The following KIAA1217 variants were observed in gnomAD, a reference collection of about 807,000 sequenced individuals.
The protein encoded by KIAA1217 is KIAA1217, also known as sickle tail protein homolog.
A neutral mutation model predicts 163.9 loss-of-function variants in KIAA1217; 88 were observed. That is an observed-to-expected ratio of 0.54 (90% CI 0.45 to 0.64). The LOEUF is 0.64. KIAA1217 is among the 30% of genes least tolerant of loss of function. KIAA1217 has a pLI of 0.00. For synonymous variants in KIAA1217, 903 were observed against 923.1 expected (o/e 0.98, Z 0.39); for missense variants, 2,372 against 2,475.0 (o/e 0.96, Z 0.88).
chr10:24,457,523 A>G (rs1003623420), intron 5 of KIAA1217, among the ~76,000 whole-genome samples: 2 of 152,068 alleles, frequency 1.3e-5, no homozygotes, highest in Non-Finnish European at 2.9e-5. Flanking sequence ...TCGGCCTTCA[A>G]GTAGCCAGGG....
chr10:24,137,992 T>C (rs1375838499), intron 2 of KIAA1217, among the ~76,000 whole-genome samples: 3 of 152,188 alleles, frequency 2.0e-5, no homozygotes, highest in Non-Finnish European at 4.4e-5. Context: ...AATGTATTTT[T>C]AATGTAGATT....
chr10:24,142,582 C>A (rs981217037), intron 2 of KIAA1217, among the ~76,000 whole-genome samples: 1 of 152,078 alleles, frequency 6.6e-6, no homozygotes, highest in African/African-American at 2.4e-5. Flanking sequence ...CAAAACTGTA[C>A]TTACACCCCT....
chr10:24,294,827 C>G (rs145005502), intron 2 of KIAA1217, among the ~76,000 whole-genome samples: 1 of 152,180 alleles, frequency 6.6e-6, no homozygotes, highest in East Asian at 1.9e-4. Context: ...AAGGCAAGTG[C>G]AATTCGGTCA....
chr10:23,977,719 TTTAAAG>T (rs1845598327), intron 1 of KIAA1217, among the ~76,000 whole-genome samples: 1 of 152,196 alleles, frequency 6.6e-6, no homozygotes, highest in African/African-American at 2.4e-5. Context: ...GAGGCCACAA[TTTAAAG>T]TTAATGTTAT....
At chr10:24,340,279 C>T (rs192444631) in intron 2 of KIAA1217, among the ~76,000 whole-genome samples, 19 of 152,218 alleles carry the variant, frequency 1.2e-4, no homozygotes, top group South Asian at 8.3e-4. Context: ...GGGAAGAACC[C>T]GGTGTGAGAT....
At chr10:24,183,649 C>T (rs2066284162) in intron 2 of KIAA1217, among the ~76,000 whole-genome samples, 1 of 152,202 alleles carries the variant, frequency 6.6e-6, no homozygotes, top group South Asian at 2.1e-4. Context: ...AATTCCTGAG[C>T]AATCCTCAAC....
chr10:24,225,624 G>C (rs2070415820), intron 2 of KIAA1217, among the ~76,000 whole-genome samples: 1 of 152,098 alleles, frequency 6.6e-6, no homozygotes, highest in South Asian at 2.1e-4. Context: ...GCAAACCATT[G>C]GACTTAACCC....
rs869211148 is a variant in KIAA1217 at position 24,355,728 on chromosome 10, C to CTTTTTTTTTTTTTTTTTTT, written c.355-25121_355-25103dup. Among the ~76,000 whole-genome samples, 10 of 32,218 alleles carry CTTTTTTTTTTTTTTTTTTT rather than the reference C, an allele frequency of 3.1e-4. 3 individuals carry two copies. Among genetic ancestry groups the CTTTTTTTTTTTTTTTTTTT allele is most frequent in the Non-Finnish European group, 5.7e-4 (8 of 14,002 alleles). The allele number at this position is 32,218 out of a possible 152,430, so 21.1% of individuals were successfully genotyped here. A position where few individuals can be genotyped will look rare whatever the true frequency, so the allele number is the denominator to read the frequency against. ...GAGATGAGCATAGCAAGTCCTCACT[C>CTTTTTTTTTTTTTTTTTTT]TTTTTTTTTTTTTTTTTTTTTTTTT... On this transcript the variant is annotated intron_variant, in intron 2 of 20. Transcript: ENST00000376454.
intron 2 of KIAA1217, among the ~76,000 whole-genome samples, chr10:24,177,902 T>G (rs1006357913): frequency 5.3e-5 from 8 of 152,212 alleles, no homozygotes; most frequent in African/African-American, 1.9e-4. Flanking sequence ...TTAGAAGTTC[T>G]TGGCTGATTG....
At chr10:24,495,100 A>AT in intron 7 of KIAA1217, 47 bp from the exon 8 acceptor site, 1 of 1,471,260 alleles carries the variant, frequency 6.8e-7, no homozygotes, top group Non-Finnish European at 9.2e-7. Context: ...AAAAAAAAAA[A>AT]GGCATTTTGG....
chr10:24,273,534 CCCA>C (rs1330772707), intron 2 of KIAA1217, among the ~76,000 whole-genome samples: 1 of 152,024 alleles, frequency 6.6e-6, no homozygotes, highest in Non-Finnish European at 1.5e-5. Context: ...GCATAACTGG[CCCA>C]CGTCACATCT....
intron 1 of KIAA1217, among the ~76,000 whole-genome samples, chr10:23,760,390 G>A (rs1235278218): frequency 6.6e-6 from 1 of 152,116 alleles, no homozygotes; most frequent in Non-Finnish European, 1.5e-5. Context: ...TATCTTAACG[G>A]GACTAATAGT....
intron 2 of KIAA1217, among the ~76,000 whole-genome samples, chr10:24,220,798 T>G (rs1274748792): frequency 1.3e-5 from 2 of 148,758 alleles, no homozygotes; most frequent in African/African-American, 5.0e-5. Flanking sequence ...TATTGCTGTA[T>G]TACCCAGGCT....
intron 5 of KIAA1217, among the ~76,000 whole-genome samples, chr10:24,442,911 A>ATTT (rs72335041): frequency 0.22 from 30,270 of 136,280 alleles, 3,533 homozygotes; most frequent in East Asian, 0.28. Flanking sequence ...CTTTTGTGGG[A>ATTT]TTTTTTTTTT....
intron 1 of KIAA1217, among the ~76,000 whole-genome samples, chr10:23,879,644 GA>G (rs772716602): frequency 2.6e-5 from 4 of 151,914 alleles, no homozygotes; most frequent in Non-Finnish European, 4.4e-5. Flanking sequence ...AATGGGAAAA[GA>G]CAGATTGGAA....
At chr10:24,226,078 T>G (rs1167244684) in intron 2 of KIAA1217, among the ~76,000 whole-genome samples, 3 of 152,094 alleles carry the variant, frequency 2.0e-5, no homozygotes, top group Non-Finnish European at 4.4e-5. Context: ...TAGGAATGGC[T>G]AAGTAATTTT....
chr10:24,437,288 C>T (rs536809768), intron 4 of KIAA1217, among the ~76,000 whole-genome samples: 43 of 152,264 alleles, frequency 2.8e-4, no homozygotes, highest in African/African-American at 9.6e-4. Context: ...CCCCTCAAGC[C>T]GACTTCTAAC....
chr10:24,150,279 C>T (rs990976382), intron 2 of KIAA1217, among the ~76,000 whole-genome samples: 2 of 152,092 alleles, frequency 1.3e-5, no homozygotes, highest in African/African-American at 2.4e-5. Context: ...CCTCCCAAAG[C>T]GCTGGGATTA....
intron 2 of KIAA1217, among the ~76,000 whole-genome samples, chr10:24,049,155 A>G (rs1262665312): frequency 6.6e-6 from 1 of 152,064 alleles, no homozygotes; most frequent in Non-Finnish European, 1.5e-5. Flanking sequence ...GTATATCAGG[A>G]AAGGAGTATA....
Sources: gnomAD v4.1 joint callset for allele counts (sites outside exome capture counted in the v4.1 genomes callset) on GRCh38, gnomAD v4.1.1 for gene constraint, MANE v1.5 for transcripts, NCBI Gene and HGNC (gene_info 2026-07-23, HGNC 2026-07-21) for gene names.